Variants in TRMT9B observed in about 807,000 individuals in gnomAD.
The protein encoded by TRMT9B is tRNA methyltransferase 9B (putative).
In TRMT9B, 16 loss-of-function variants were observed where a neutral mutation model predicts 11.5. The observed-to-expected ratio is 1.39, with a 90% CI of 0.94 to 2.11. TRMT9B has a LOEUF of 2.11. TRMT9B is among the 30% of genes most tolerant of loss of function. The pLI is 0.00. For synonymous variants in TRMT9B, 274 were observed against 192.4 expected, an observed-to-expected ratio of 1.42 and a Z score of -3.51; for missense variants, 941 against 553.8, an observed-to-expected ratio of 1.70 and a Z score of -7.02.
rs78817890 is a variant in TRMT9B at position 13,028,259 on chromosome 8, C to T, written c.*6215C>T. The T allele has an allele frequency of 3.6e-3, 604 of 167,160 alleles. 6 individuals are homozygous for T. Among genetic ancestry groups the T allele is most frequent in the African/African-American group, 0.014 (578 of 41,566 alleles). The allele number at this position is 167,160 out of a possible 1,614,324, so 10.4% of individuals were successfully genotyped here. A position where few individuals can be genotyped will look rare whatever the true frequency, so the allele number is the denominator to read the frequency against. ...GGATTGGAGCTATAGAATAATCTAT[C>T]TTACCAATCTGATGGACCATTTGTA... On this transcript the variant is annotated 3_prime_UTR_variant, in exon 5 of 5. Coordinates refer to ENST00000524591, the MANE Select transcript of TRMT9B (RefSeq NM_020844.3).
chr8:12,991,373 T>C (rs1372635923), intron 2 of TRMT9B, among the ~76,000 whole-genome samples: 1 of 152,228 alleles, frequency 6.6e-6, no homozygotes, highest in African/African-American at 2.4e-5. Context: ...AAGTTGCATG[T>C]ATTAAAAAGT....
chr8:12,984,828 T>G (rs890687845), intron 1 of TRMT9B, among the ~76,000 whole-genome samples: 56 of 152,120 alleles, frequency 3.7e-4, no homozygotes, highest in African/African-American at 1.4e-3. Context: ...ATAGTTGCAA[T>G]GAACATGGCC....
At chr8:13,012,182 C>T (rs966756281) in intron 3 of TRMT9B, 1 of 985,268 alleles carries the variant, frequency 1.0e-6, no homozygotes, top group Non-Finnish European at 1.2e-6. Context: ...TTGCCTTTCT[C>T]TCTTCTATAT....
In TRMT9B at chr8:13,022,241, G is replaced by A; in HGVS notation, c.*197G>A. The A allele has an allele frequency of 2.0e-6, 1 of 512,376 alleles. No homozygotes were observed. 31.7% of individuals were successfully genotyped at this position (512,376 alleles called of 1,614,324 possible). Reference sequence around the variant, plus strand: ...TCTGGCATTGAAAGCACTTGACAAAGGGTATTTGTGCTTAAATGTTAATAT... The same window carrying A: ...TCTGGCATTGAAAGCACTTGACAAAAGGTATTTGTGCTTAAATGTTAATAT... On this transcript the variant is annotated 3_prime_UTR_variant, in exon 5 of 5. Coordinates refer to ENST00000524591, the MANE Select transcript of TRMT9B (RefSeq NM_020844.3).
chr8:13,009,116 T>G lies in TRMT9B; in HGVS notation c.154+2760T>G, dbSNP rs534005834. Among the ~76,000 whole-genome samples, 10 of 152,236 alleles carry G rather than the reference T, an allele frequency of 6.6e-5. No individual in the cohort carries two copies. The South Asian group carries it at 1.9e-3, about 28-fold the overall frequency. ...TCATTTGCGACAACACGGAGGAACC[T>G]GGAAGATATTATGCTAGGTGAAATC... is the stretch of plus-strand genomic sequence containing the variant. On this transcript the variant is annotated intron_variant, in intron 3 of 4. Coordinates refer to ENST00000524591, the MANE Select transcript of TRMT9B (RefSeq NM_020844.3).
intron 3 of TRMT9B, chr8:13,010,873 G>T (rs1811460577): frequency 1.0e-6 from 1 of 974,586 alleles, no homozygotes; most frequent in Non-Finnish European, 1.2e-6. Context: ...CAAACAGAGG[G>T]TACTTTTTCT....
intron 1 of TRMT9B, among the ~76,000 whole-genome samples, chr8:12,960,770 A>T (rs1480782592): frequency 2.0e-5 from 3 of 152,172 alleles, no homozygotes. Context: ...AACTCTAGAG[A>T]CTGTAAAAAG....
Position 13,012,683 on chromosome 8 carries a change from G to A in TRMT9B, c.155-1G>A, listed in dbSNP as rs757868573. The stretch of plus-strand genomic sequence containing the variant: ...ATGTAACGCAGGTTTTTCTCTTATA[G>A]GTTGTGGGACTGGAAAATATCTTAA... On this transcript the variant is annotated splice_acceptor_variant, in intron 3 of 4. Transcript: ENST00000524591. LOFTEE classifies it high-confidence loss of function. 2 of 1,611,800 alleles carry A rather than the reference G, an allele frequency of 1.2e-6. No homozygotes were observed. The highest frequency in any genetic ancestry group is 1.7e-6 in the Non-Finnish European group (2 of 1,178,752).
At chr8:12,966,456 G>T (rs1012163269) in intron 1 of TRMT9B, among the ~76,000 whole-genome samples, 1 of 152,050 alleles carries the variant, frequency 6.6e-6, no homozygotes, top group African/African-American at 2.4e-5. Flanking sequence ...AGACATTGCT[G>T]TTCTGTAATA....
chr8:12,965,578 T>C (rs979904971), intron 1 of TRMT9B, among the ~76,000 whole-genome samples: 1 of 152,074 alleles, frequency 6.6e-6, no homozygotes, highest in Admixed American at 6.6e-5. Flanking sequence ...TTTTTCTTCA[T>C]ATTTTTGATA....
intron 2 of TRMT9B, among the ~76,000 whole-genome samples, chr8:12,992,595 C>T (rs1429145734): frequency 3.3e-5 from 5 of 151,908 alleles, no homozygotes; most frequent in Non-Finnish European, 7.4e-5. Context: ...CTCATGCTTG[C>T]AATCCCAGCA....
chr8:12,971,482 C>T (rs894084181), intron 1 of TRMT9B, among the ~76,000 whole-genome samples: 4 of 152,102 alleles, frequency 2.6e-5, no homozygotes, highest in South Asian at 2.1e-4. Flanking sequence ...ATTGGTGTTC[C>T]GACTTCAAAT....
rs2128906986 is a variant in TRMT9B, at chr8:13,027,156, T to G, written c.*5112T>G. ...TTGTTTACTAAGCCCTGCTGTGTGC[T>G]GGATACACAGTCTGCTGTGTGCTGG... On this transcript the variant is annotated 3_prime_UTR_variant, in exon 5 of 5. Coordinates refer to ENST00000524591, the MANE Select transcript of TRMT9B (RefSeq NM_020844.3). The G allele has an allele frequency of 1.2e-5, 2 of 167,194 alleles. No individual in the cohort carries two copies. The highest frequency in any genetic ancestry group is 1.3e-4 in the Admixed American group (2 of 15,296). The allele number at this position is 167,194 out of a possible 1,614,324, so 10.4% of individuals were successfully genotyped here.
At chr8:12,967,134 A>T (rs1267908848) in intron 1 of TRMT9B, among the ~76,000 whole-genome samples, 1 of 152,216 alleles carries the variant, frequency 6.6e-6, no homozygotes, top group African/African-American at 2.4e-5. Context: ...CAAACAAGAC[A>T]TATCTTTAGG....
At position 13,028,354 on chromosome 8, in the gene TRMT9B, C is replaced by T. The variant is rs1814949102; in HGVS notation, c.*6310C>T. 2 of 166,982 alleles carry T rather than the reference C, an allele frequency of 1.2e-5. No homozygotes were observed. Among genetic ancestry groups the T allele is most frequent in the Non-Finnish European group, 2.9e-5 (2 of 68,108 alleles). 10.3% of individuals were successfully genotyped at this position (166,982 alleles called of 1,614,324 possible). ...AGAGCTGCAGAAAGTAAAGTTTACT[C>T]CAACCCAATTAATCATTAATACATC... On this transcript the variant is annotated 3_prime_UTR_variant, in exon 5 of 5. Transcript: ENST00000524591.
chr8:12,987,184 T>C (rs1806462125), intron 1 of TRMT9B, among the ~76,000 whole-genome samples: 1 of 152,214 alleles, frequency 6.6e-6, no homozygotes, highest in Non-Finnish European at 1.5e-5. Context: ...TTACTAGCTA[T>C]GTAACTTTGG....
intron 3 of TRMT9B, chr8:13,010,517 T>G: frequency 1.0e-6 from 1 of 983,668 alleles, no homozygotes. Context: ...AATTCTTTTA[T>G]TGTTCACATT....
chr8:13,002,364 G>T (rs1402374795), intron 2 of TRMT9B, among the ~76,000 whole-genome samples: 1 of 152,178 alleles, frequency 6.6e-6, no homozygotes, highest in Non-Finnish European at 1.5e-5. Context: ...AACGTAAATA[G>T]ACTAAAATCT....
intron 3 of TRMT9B, chr8:13,011,653 A>C: frequency 2.0e-6 from 2 of 979,064 alleles, no homozygotes; most frequent in South Asian, 9.4e-5. Context: ...TCATAACATC[A>C]GTAAGACCTC....
Sources: allele counts gnomAD v4.1 joint callset (sites outside exome capture counted in the v4.1 genomes callset), GRCh38; gene constraint gnomAD v4.1.1; transcripts MANE v1.5; gene names NCBI Gene and HGNC (gene_info 2026-07-23, HGNC 2026-07-21).